PLCB1: variants seen among roughly 807,000 people sequenced by gnomAD.
PLCB1 encodes phospholipase C beta 1, also known as 1-phosphatidylinositol 4,5-bisphosphate phosphodiesterase beta-1.
In PLCB1, 46 loss-of-function variants were observed where a neutral mutation model predicts 161.8. The observed-to-expected ratio is 0.28, with a 90% CI of 0.22 to 0.36. PLCB1 has a LOEUF of 0.36. Among genes scored for constraint, PLCB1 ranks in the 10% least tolerant of loss-of-function variants. The probability of loss-of-function intolerance (pLI) is 1.00; values close to 1 mark genes in which losing one functional copy is unlikely to be tolerated. For missense variants in PLCB1, 1,016 were observed against 1,472.5 expected (o/e 0.69, Z 5.07); for synonymous variants, 517 against 503.7 (o/e 1.03, Z -0.35).
At chr20:8,301,576 A>G (rs151146522) in intron 2 of PLCB1, among the ~76,000 whole-genome samples, 1 of 152,100 alleles carries the variant, frequency 6.6e-6, no homozygotes, top group Non-Finnish European at 1.5e-5. Flanking sequence ...GCTATCCTCC[A>G]CACACTAGAC....
chr20:8,244,168 A>C (rs1178553050), intron 2 of PLCB1, among the ~76,000 whole-genome samples: 1 of 151,946 alleles, frequency 6.6e-6, no homozygotes, highest in Non-Finnish European at 1.5e-5. Context: ...TAGCAGTGTA[A>C]ATTGGCTACT....
At chr20:8,318,573 C>T (rs778665752) in intron 2 of PLCB1, among the ~76,000 whole-genome samples, 9 of 152,056 alleles carry the variant, frequency 5.9e-5, no homozygotes, top group Non-Finnish European at 5.9e-5. Flanking sequence ...ACAATACCTT[C>T]CACATAGAAG....
chr20:8,651,817 C>A (rs897567850), intron 7 of PLCB1: 1 of 282,234 alleles, frequency 3.5e-6, no homozygotes, highest in Non-Finnish European at 6.6e-6. Context: ...AAACAATGCT[C>A]GCAAATCCCT....
chr20:8,825,227 T>A (rs1401484706), intron 31 of PLCB1, among the ~76,000 whole-genome samples: 1 of 152,154 alleles, frequency 6.6e-6, no homozygotes, highest in African/African-American at 2.4e-5. Context: ...AAACAAATGA[T>A]CTCCTGAACT....
chr20:8,428,036 C>T (rs528197106), intron 3 of PLCB1, among the ~76,000 whole-genome samples: 3 of 152,238 alleles, frequency 2.0e-5, no homozygotes, highest in East Asian at 1.9e-4. Context: ...CCCCCACAAC[C>T]TTCTTCCCTG....
intron 4 of PLCB1, among the ~76,000 whole-genome samples, chr20:8,629,817 T>C (rs139936746): frequency 0.018 from 1,733 of 96,206 alleles, 24 homozygotes; most frequent in Non-Finnish European, 0.024. Flanking sequence ...CTTTTCTTTC[T>C]TTTCTTTCTT....
At chr20:8,608,028 T>C (rs1987806530) in intron 3 of PLCB1, among the ~76,000 whole-genome samples, 1 of 152,154 alleles carries the variant, frequency 6.6e-6, no homozygotes, top group Non-Finnish European at 1.5e-5. Context: ...TCCAACAATT[T>C]TTTTAATGAC....
intron 2 of PLCB1, among the ~76,000 whole-genome samples, chr20:8,266,809 C>G (rs186572832): frequency 4.6e-5 from 7 of 151,988 alleles, no homozygotes; most frequent in Non-Finnish European, 8.8e-5. Context: ...GAGGCCAAGG[C>G]GGGTGGACCA....
intron 2 of PLCB1, among the ~76,000 whole-genome samples, chr20:8,314,754 A>T (rs1226888595): frequency 6.6e-6 from 1 of 152,200 alleles, no homozygotes; most frequent in Non-Finnish European, 1.5e-5. Context: ...GATACAATGT[A>T]ACTCCTCCAT....
chr20:8,622,750 C>CT (rs1359659777), intron 3 of PLCB1, among the ~76,000 whole-genome samples: 5 of 72,068 alleles, frequency 6.9e-5, no homozygotes, highest in African/African-American at 3.0e-4. Context: ...AAATAAATTA[C>CT]TTGTCCTCAG....
chr20:8,548,601 A>G (rs1985657953), intron 3 of PLCB1, among the ~76,000 whole-genome samples: 1 of 149,650 alleles, frequency 6.7e-6, no homozygotes, highest in African/African-American at 2.5e-5. Flanking sequence ...CCATCTATTC[A>G]TCTATCTGTC....
At chr20:8,430,071 G>T (rs879923714) in intron 3 of PLCB1, among the ~76,000 whole-genome samples, 2 of 151,970 alleles carry the variant, frequency 1.3e-5, no homozygotes, top group African/African-American at 2.4e-5. Context: ...GCCTGATGAA[G>T]CCTAAGGGTC....
At chr20:8,398,095 T>C (rs1978372876) in intron 3 of PLCB1, among the ~76,000 whole-genome samples, 3 of 152,114 alleles carry the variant, frequency 2.0e-5, no homozygotes, top group African/African-American at 7.2e-5. Flanking sequence ...CAAAGTGTAT[T>C]GTTAAGCTTG....
chr20:8,428,503 G>A lies in PLCB1; in HGVS notation c.246+57053G>A, dbSNP rs1261578827. 7.9e-5 allele frequency among the ~76,000 whole-genome samples: 12 copies of A among 152,336 alleles called. No individual in the cohort carries two copies. The South Asian group carries it at 2.5e-3, about 32-fold the overall frequency. On this transcript the variant is annotated intron_variant, in intron 3 of 31. Coordinates refer to ENST00000338037, the MANE Select transcript of PLCB1 (RefSeq NM_015192.4). ...CCCAAAGTGTTGGGATTATAGGCATGAGCCACCATGCCCAGCCAACTGTAA... is the reference window on the plus strand; with the variant it reads ...CCCAAAGTGTTGGGATTATAGGCATAAGCCACCATGCCCAGCCAACTGTAA...
intron 19 of PLCB1, 122 bp downstream of exon 19, chr20:8,733,514 A>AT (rs1241305993): frequency 4.5e-5 from 39 of 862,782 alleles, no homozygotes; most frequent in Non-Finnish European, 6.3e-5. Flanking sequence ...TTCTTCCTAC[A>AT]TTTTTTTTCT....
At chr20:8,207,918 C>A (rs1341650174) in intron 2 of PLCB1, among the ~76,000 whole-genome samples, 1 of 152,090 alleles carries the variant, frequency 6.6e-6, no homozygotes, top group Non-Finnish European at 1.5e-5. Context: ...TCTCCTCCTG[C>A]AGCTTTTAAA....
chr20:8,304,185 A>G lies in PLCB1; in HGVS notation c.178-67197A>G, dbSNP rs1233738028. ...CAGTATCTCTATCATGTAGCCTGCA[A>G]TTTTTATGGAGAATCTGTCTATTTT... On this transcript the variant is annotated intron_variant, in intron 2 of 31. Coordinates refer to ENST00000338037, the MANE Select transcript of PLCB1 (RefSeq NM_015192.4). Among the ~76,000 whole-genome samples the G allele has an allele frequency of 2.0e-5, 3 of 152,248 alleles. No individual in the cohort carries two copies. In the East Asian group the frequency reaches 5.8e-4, roughly 29 times the overall value.
intron 2 of PLCB1, among the ~76,000 whole-genome samples, chr20:8,213,380 T>C (rs1354575424): frequency 1.3e-5 from 2 of 152,032 alleles, no homozygotes; most frequent in African/African-American, 4.8e-5. Context: ...TGATCTTAGC[T>C]CCAAAGGTGA....
intron 10 of PLCB1, among the ~76,000 whole-genome samples, chr20:8,687,336 TA>T (rs1216073170): frequency 1.3e-5 from 2 of 152,148 alleles, no homozygotes; most frequent in South Asian, 4.1e-4. Flanking sequence ...CAATTTAAAT[TA>T]TTTTTTTAAA....
Sources: allele counts gnomAD v4.1 joint callset (sites outside exome capture counted in the v4.1 genomes callset), GRCh38; gene constraint gnomAD v4.1.1; transcripts MANE v1.5; gene names NCBI Gene and HGNC (gene_info 2026-07-23, HGNC 2026-07-21).